The following GPHN variants were observed in gnomAD, a reference collection of about 807,000 sequenced individuals.
GPHN encodes gephyrin.
In GPHN, 17 loss-of-function variants were observed where a neutral mutation model predicts 95.5. That is an observed-to-expected ratio of 0.18 (90% CI 0.12 to 0.27). The LOEUF (loss-of-function observed/expected upper bound fraction) is 0.27, where lower values mean the gene tolerates loss of function less well. GPHN is among the 10% of genes least tolerant of loss of function. The pLI, the probability that GPHN is intolerant of heterozygous loss-of-function variation, is 1.00. For missense variants in GPHN, 660 were observed against 978.1 expected (o/e 0.67, Z 4.34); for synonymous variants, 320 against 322.5 (o/e 0.99, Z 0.08).
intron 2 of GPHN, among the ~76,000 whole-genome samples, chr14:66,682,898 A>C (rs989481644): frequency 6.6e-6 from 1 of 152,148 alleles, no homozygotes; most frequent in Admixed American, 6.6e-5. Flanking sequence ...TGAATAATGG[A>C]TTATAATAAT....
the GPHN span, among the ~76,000 whole-genome samples, chr14:67,569,552 T>G: frequency 6.7e-6 from 1 of 148,472 alleles, no homozygotes; most frequent in Admixed American, 7.4e-5. Context: ...CTGATTTACA[T>G]GAACCCCACT....
At chr14:66,509,927 T>C (rs904189986) in intron 1 of GPHN, among the ~76,000 whole-genome samples, 4 of 152,146 alleles carry the variant, frequency 2.6e-5, no homozygotes, top group African/African-American at 9.7e-5. Context: ...AAAGGTGATA[T>C]CCAAAGCCTC....
At chr14:67,439,577 CTT>C in the GPHN span, among the ~76,000 whole-genome samples, 2 of 106,018 alleles carry the variant, frequency 1.9e-5, no homozygotes, top group Non-Finnish European at 3.3e-5. Flanking sequence ...TTCTTTCTTT[CTT>C]TCTTTCTTTC....
At chr14:67,198,967 T>G in the GPHN span, 1 of 703,028 alleles carries the variant, frequency 1.4e-6, no homozygotes, top group Non-Finnish European at 2.6e-6. Context: ...CTTAATACAT[T>G]CGAGAAGCTG....
intron 6 of GPHN, among the ~76,000 whole-genome samples, 165 bp downstream of exon 6, chr14:66,916,234 A>C (rs780073761): frequency 6.6e-6 from 1 of 152,204 alleles, no homozygotes; most frequent in African/African-American, 2.4e-5. Context: ...ATGGAAAGAC[A>C]TAGAACTCAC....
At chr14:67,070,715 A>AAAAAAAAAAAAAATATATAT in intron 11 of GPHN, among the ~76,000 whole-genome samples, 1 of 80,740 alleles carries the variant, frequency 1.2e-5, no homozygotes, top group Non-Finnish European at 1.9e-5. Flanking sequence ...AAAAAAAAAA[A>AAAAAAAAAAAAAATATATAT]ATATATATAT....
intron 1 of GPHN, among the ~76,000 whole-genome samples, chr14:66,508,793 C>A (rs138788932): frequency 1.3e-5 from 2 of 152,160 alleles, no homozygotes; most frequent in East Asian, 3.9e-4. Flanking sequence ...GCCCCAGGAG[C>A]CGGGGTCGAC....
chr14:67,004,623 T>C (rs2072475794), intron 9 of GPHN, among the ~76,000 whole-genome samples: 1 of 151,784 alleles, frequency 6.6e-6, no homozygotes, highest in South Asian at 2.1e-4. Flanking sequence ...CATTCTTGAG[T>C]CCTGTGTTCA....
At chr14:66,981,469 A>T (rs2070667695) in intron 9 of GPHN, among the ~76,000 whole-genome samples, 4 of 150,068 alleles carry the variant, frequency 2.7e-5, no homozygotes, top group African/African-American at 9.7e-5. Flanking sequence ...GCAAAACTTT[A>T]AAAAAAAAAT....
At chr14:67,484,633 G>A in the GPHN span, among the ~76,000 whole-genome samples, 9 of 152,164 alleles carry the variant, frequency 5.9e-5, no homozygotes, top group South Asian at 1.9e-3. Flanking sequence ...CATAGAAGAA[G>A]CATTCATAGG....
At chr14:66,765,744 T>C (rs1235885070) in intron 2 of GPHN, among the ~76,000 whole-genome samples, 1 of 151,892 alleles carries the variant, frequency 6.6e-6, no homozygotes, top group African/African-American at 2.4e-5. Context: ...AACCTGCACA[T>C]GTACTACTGA....
At chr14:67,302,770 G>A in the GPHN span, among the ~76,000 whole-genome samples, 2 of 151,966 alleles carry the variant, frequency 1.3e-5, no homozygotes, top group East Asian at 1.9e-4. Flanking sequence ...ACTTTCTGAT[G>A]TATCACTATC....
chr14:67,360,248 TCGGAGGA>T, the GPHN span: 1 of 399,502 alleles, frequency 2.5e-6, no homozygotes, highest in African/African-American at 2.1e-5. Context: ...GTCCTTGTTC[TCGGAGGA>T]CCCAGACTCT....
chr14:67,237,129 A>G, the GPHN span, among the ~76,000 whole-genome samples: 1 of 151,886 alleles, frequency 6.6e-6, no homozygotes, highest in Non-Finnish European at 1.5e-5. Flanking sequence ...TTTATTTACT[A>G]GAACTACTAT....
chr14:67,216,379 G>T, the GPHN span, among the ~76,000 whole-genome samples: 6 of 150,864 alleles, frequency 4.0e-5, no homozygotes, highest in East Asian at 1.9e-4. Flanking sequence ...ATATTTTGGG[G>T]TTTTTTTTCA....
chr14:67,153,898 C>G (rs2081430711), intron 18 of GPHN, among the ~76,000 whole-genome samples: 1 of 152,156 alleles, frequency 6.6e-6, no homozygotes, highest in African/African-American at 2.4e-5. Context: ...TGATTCTCAG[C>G]CTTTATCACT....
Position 66,924,279 on chromosome 14 carries a change from C to T in GPHN, c.815C>T (p.Ser272Leu). The T allele has an allele frequency of 6.3e-7, 1 of 1,594,010 alleles. No individual in the cohort carries two copies. Among genetic ancestry groups the T allele is most frequent in the Non-Finnish European group, 8.6e-7 (1 of 1,161,670 alleles). Residue 272 changes from serine to leucine, a missense_variant, in exon 8 of 23, where the codon TCA (serine) becomes TTA (leucine). Around this residue, in one of 6 missense-constraint regions of GPHN, gnomAD observed 190 missense variants for 224.7 expected, o/e 0.85. Transcript: ENST00000478722. ...IPGLINYSHH[S>L]TDERIPDSII... ...GGTCTCATCAATTATTCCCATCATTCAACAGATGAACGGGTAAGACAAGAG... is the reference window on the plus strand; with the variant it reads ...GGTCTCATCAATTATTCCCATCATTTAACAGATGAACGGGTAAGACAAGAG...
chr14:67,166,957 C>G (rs972895146), intron 20 of GPHN, among the ~76,000 whole-genome samples: 1 of 152,182 alleles, frequency 6.6e-6, no homozygotes, highest in East Asian at 1.9e-4. Flanking sequence ...GCATGAGCCA[C>G]CATGCGCAGC....
At chr14:66,831,402 C>G (rs1048403470) in intron 4 of GPHN, among the ~76,000 whole-genome samples, 3 of 152,018 alleles carry the variant, frequency 2.0e-5, no homozygotes, top group Non-Finnish European at 2.9e-5. Flanking sequence ...TACTAGAAAC[C>G]CTTATACCTG....
Sources: gnomAD v4.1 joint callset for allele counts (sites outside exome capture counted in the v4.1 genomes callset) on GRCh38, gnomAD v4.1.1 for gene constraint, gnomAD v4.1.1 regional missense constraint, MANE v1.5 for transcripts, NCBI Gene and HGNC (gene_info 2026-07-23, HGNC 2026-07-21) for gene names.